SEPTIN7: variants seen among roughly 807,000 people sequenced by gnomAD.
SEPTIN7 encodes septin-7.
Under a neutral mutation model 63.3 loss-of-function variants are expected in SEPTIN7, and 10 were observed. The observed-to-expected ratio is 0.16, with a 90% CI of 0.10 to 0.27. SEPTIN7 has a LOEUF of 0.27. SEPTIN7 is among the 10% of genes least tolerant of loss of function. The pLI, the probability that SEPTIN7 is intolerant of heterozygous loss-of-function variation, is 1.00. For missense variants in SEPTIN7, 310 were observed against 521.0 expected (o/e 0.59, Z 3.94); for synonymous variants, 131 against 165.3 (o/e 0.79, Z 1.59).
intron 9 of SEPTIN7, 60 bp downstream of exon 9, chr7:35,884,047 A>G (rs1177805274): frequency 8.5e-6 from 9 of 1,064,710 alleles, no homozygotes; most frequent in Non-Finnish European, 1.2e-5. Flanking sequence ...AAAAATTTGT[A>G]TTTATAGTAA....
intron 1 of SEPTIN7, among the ~76,000 whole-genome samples, chr7:35,810,314 C>G (rs1170140783): frequency 1.3e-5 from 2 of 150,128 alleles, no homozygotes; most frequent in Non-Finnish European, 3.0e-5. Context: ...TGGGGTAGTA[C>G]TAAAATGTTT....
chr7:35,849,126 G>A (rs1562546707), intron 3 of SEPTIN7, among the ~76,000 whole-genome samples: 2 of 152,178 alleles, frequency 1.3e-5, no homozygotes, highest in Admixed American at 6.5e-5. Flanking sequence ...GTATTAGCAT[G>A]TACATCAGTG....
At chr7:35,851,991 C>G (rs1402189548) in intron 3 of SEPTIN7, among the ~76,000 whole-genome samples, 3 of 152,158 alleles carry the variant, frequency 2.0e-5, no homozygotes, top group Admixed American at 1.3e-4. Flanking sequence ...ATCCCTGTTT[C>G]AAATGTTTAT....
intron 10 of SEPTIN7, among the ~76,000 whole-genome samples, chr7:35,890,236 G>A (rs1394242566): frequency 1.3e-5 from 2 of 152,098 alleles, no homozygotes; most frequent in African/African-American, 4.8e-5. Flanking sequence ...TATGTGATCT[G>A]AAATTTATTA....
intron 1 of SEPTIN7, among the ~76,000 whole-genome samples, chr7:35,813,366 T>G (rs1433928857): frequency 1.3e-5 from 2 of 152,160 alleles, no homozygotes; most frequent in East Asian, 3.8e-4. Context: ...TATTCCTTTT[T>G]TTTTTTTGGA....
Position 35,812,143 on chromosome 7 carries a change from C to CA in SEPTIN7, c.61+10883dup, listed in dbSNP as rs969060324. The stretch of plus-strand genomic sequence containing the variant: ...GTCTCCAAAACAAAAAAAAAAAAAA[C>CA]AAAAAAAAAACAGTTTTTAGAGAGA... On this transcript the variant is annotated intron_variant, in intron 1 of 13. Coordinates refer to ENST00000350320, the MANE Select transcript of SEPTIN7 (RefSeq NM_001788.6). 5.7e-3 allele frequency: 822 copies of CA among 145,154 alleles called. 2 individuals are homozygous for CA. Among genetic ancestry groups the CA allele is most frequent in the South Asian group, 0.017 (155 of 9,122 alleles). 9.0% of individuals were successfully genotyped at this position (145,154 alleles called of 1,614,324 possible).
chr7:35,804,058 C>T (rs1788171307), intron 1 of SEPTIN7, among the ~76,000 whole-genome samples: 1 of 151,932 alleles, frequency 6.6e-6, no homozygotes, highest in African/African-American at 2.4e-5. Flanking sequence ...CTAAGGTCTT[C>T]GAACCTTATG....
intron 1 of SEPTIN7, among the ~76,000 whole-genome samples, chr7:35,806,470 A>G (rs1211024819): frequency 6.6e-6 from 1 of 152,208 alleles, no homozygotes. Context: ...ATTGATTAGC[A>G]ATCTCTGGGA....
At chr7:35,839,034 A>T (rs1583539897) in intron 3 of SEPTIN7, among the ~76,000 whole-genome samples, 1 of 152,228 alleles carries the variant, frequency 6.6e-6, no homozygotes, top group South Asian at 2.1e-4. Flanking sequence ...TGATTTATGT[A>T]GGAAGATTAC....
intron 6 of SEPTIN7, among the ~76,000 whole-genome samples, chr7:35,874,900 A>G (rs1393947997): frequency 6.6e-6 from 1 of 152,182 alleles, no homozygotes; most frequent in Admixed American, 6.5e-5. Context: ...AACATATTAT[A>G]TAACCTTTTA....
intron 3 of SEPTIN7, among the ~76,000 whole-genome samples, chr7:35,839,335 C>T (rs1784288026): frequency 6.6e-6 from 1 of 151,308 alleles, no homozygotes. Flanking sequence ...ATGTTTCCAG[C>T]TGTGGCTATC....
At chr7:35,849,704 A>G (rs2116046308) in intron 3 of SEPTIN7, among the ~76,000 whole-genome samples, 1 of 152,338 alleles carries the variant, frequency 6.6e-6, no homozygotes, top group South Asian at 2.1e-4. Context: ...ATAAACCTCT[A>G]CTTTTAAATT....
intron 3 of SEPTIN7, among the ~76,000 whole-genome samples, chr7:35,840,778 A>C (rs577344744): frequency 6.6e-6 from 1 of 152,346 alleles, no homozygotes; most frequent in South Asian, 2.1e-4. Context: ...GGAGGAAAAC[A>C]GTATACACAT....
intron 3 of SEPTIN7, chr7:35,838,735 A>T (rs1784260088): frequency 6.6e-6 from 1 of 152,026 alleles, no homozygotes; most frequent in Admixed American, 6.5e-5. Context: ...CAAGGTTATT[A>T]GAAGTTTTAC....
At chr7:35,844,048 G>T (rs1197442066) in intron 3 of SEPTIN7, among the ~76,000 whole-genome samples, 1 of 152,122 alleles carries the variant, frequency 6.6e-6, no homozygotes, top group African/African-American at 2.4e-5. Flanking sequence ...GCTTGTCCTG[G>T]TTCAGAGGGT....
At chr7:35,908,336 C>T (rs1267738405), downstream of SEPTIN7, among the ~76,000 whole-genome samples, 1 of 152,158 alleles carries the variant, frequency 6.6e-6, no homozygotes, top group East Asian at 1.9e-4. Flanking sequence ...TTGAAAGCTT[C>T]ATGGGAAGAA....
At chr7:35,911,553 T>C (rs974142939), downstream of SEPTIN7, among the ~76,000 whole-genome samples, 50 of 152,384 alleles carry the variant, frequency 3.3e-4, no homozygotes, top group African/African-American at 1.1e-3. Context: ...AGGGGATGTT[T>C]AGCTTAAATT....
At position 35,889,391 on chromosome 7, in the gene SEPTIN7, T is replaced by G. The variant is rs534814751; in HGVS notation, c.873-1277T>G. Among the ~76,000 whole-genome samples the G allele has an allele frequency of 2.8e-4, 43 of 152,280 alleles. 1 individual carries two copies. The South Asian group carries it at 8.9e-3, about 32-fold the overall frequency. ...AGACTTAGGACTAAGGGGAGTCAAC[T>G]ATCAGAGAATTGCATGGAAATGTCA... On this transcript the variant is annotated intron_variant, in intron 10 of 13. Transcript: ENST00000350320.
At chr7:35,914,733 T>G in the SEPTIN7 span, among the ~76,000 whole-genome samples, 1 of 152,034 alleles carries the variant, frequency 6.6e-6, no homozygotes, top group Non-Finnish European at 1.5e-5. Context: ...CATAAACCTA[T>G]GTATACATAC....
Sources: gnomAD v4.1 joint callset for allele counts (sites outside exome capture counted in the v4.1 genomes callset) on GRCh38, gnomAD v4.1.1 for gene constraint, MANE v1.5 for transcripts, NCBI Gene and HGNC (gene_info 2026-07-23, HGNC 2026-07-21) for gene names.